The following MRPL42 variants were observed in gnomAD, a reference collection of about 807,000 sequenced individuals.
MRPL42 encodes large ribosomal subunit protein mL42.
A neutral mutation model predicts 17.9 loss-of-function variants in MRPL42; 17 were observed. The ratio of observed to expected loss-of-function variants is 0.95; its 90% CI spans 0.65 to 1.42. MRPL42 has a LOEUF of 1.42. Among genes scored for constraint, MRPL42 ranks in the 40% most tolerant of loss-of-function variants. The pLI, the probability that MRPL42 is intolerant of heterozygous loss-of-function variation, is 0.00. For missense variants in MRPL42, 177 were observed against 175.2 expected, an observed-to-expected ratio of 1.01 and a Z score of -0.06; for synonymous variants, 59 against 54.4, an observed-to-expected ratio of 1.08 and a Z score of -0.37.
chr12:93,490,475 C>G (rs1953390689), intron 5 of MRPL42, among the ~76,000 whole-genome samples: 1 of 152,124 alleles, frequency 6.6e-6, no homozygotes, highest in Non-Finnish European at 1.5e-5. Context: ...ATCTGTAGGC[C>G]TTGTCCTTGT....
intron 5 of MRPL42, among the ~76,000 whole-genome samples, chr12:93,488,751 T>G (rs987607595): frequency 2.0e-5 from 3 of 152,238 alleles, no homozygotes; most frequent in African/African-American, 7.2e-5. Context: ...CATTTGACTC[T>G]GGCATTAATT....
At chr12:93,488,438 CT>C (rs1953350905) in intron 5 of MRPL42, 1 of 394,014 alleles carries the variant, frequency 2.5e-6, no homozygotes, top group Non-Finnish European at 4.5e-6. Context: ...AATAGTACTT[CT>C]TTTTTTCTTT....
chr12:93,478,826 T>G (rs1284672323), intron 3 of MRPL42, among the ~76,000 whole-genome samples: 1 of 152,200 alleles, frequency 6.6e-6, no homozygotes, highest in Non-Finnish European at 1.5e-5. Context: ...TGTGGGATGG[T>G]CTTCATTTGT....
At chr12:93,500,021 T>A (rs1953561268) in intron 5 of MRPL42, among the ~76,000 whole-genome samples, 1 of 152,174 alleles carries the variant, frequency 6.6e-6, no homozygotes, top group Non-Finnish European at 1.5e-5. Flanking sequence ...TGTGCAGAAA[T>A]GTTTCTTAAA....
intron 2 of MRPL42, among the ~76,000 whole-genome samples, chr12:93,476,570 A>G (rs1022966918): frequency 3.9e-5 from 6 of 152,112 alleles, no homozygotes; most frequent in Non-Finnish European, 8.8e-5. Flanking sequence ...TCTGCTAGAA[A>G]CATTGTTTTC....
In MRPL42 at chr12:93,505,582, A is replaced by G. The variant is rs1266241642; in HGVS notation, c.*4361A>G. On this transcript the variant is annotated 3_prime_UTR_variant, in exon 6 of 6. Coordinates refer to ENST00000549982, the MANE Select transcript of MRPL42 (RefSeq NM_014050.4). Reference sequence around the variant, plus strand: ...TCTAACACCAAAGAAAGATACTCCCAATTGAGCTCAGCCATCAGCCTCCTA... The same window carrying G: ...TCTAACACCAAAGAAAGATACTCCCGATTGAGCTCAGCCATCAGCCTCCTA... The G allele has an allele frequency of 3.9e-5, 6 of 152,190 alleles. No homozygotes were observed. The highest frequency in any genetic ancestry group is 8.8e-5 in the Non-Finnish European group (6 of 68,028). The allele number at this position is 152,190 out of a possible 1,614,324, so 9.4% of individuals were successfully genotyped here.
In MRPL42 at chr12:93,483,380, C is replaced by G. The variant is rs903606648; in HGVS notation, c.219+3908C>G. Among the ~76,000 whole-genome samples, 22 of 152,254 alleles carry G rather than the reference C, an allele frequency of 1.4e-4. No individual in the cohort carries two copies. In the East Asian group the frequency reaches 3.7e-3, roughly 25 times the overall value. ...ATCATAGAGTGTCACTTACGCAAAC[C>G]TAGATGGTGTAGCCTACTACACACC... On this transcript the variant is annotated intron_variant, in intron 4 of 5. Coordinates refer to ENST00000549982, the MANE Select transcript of MRPL42 (RefSeq NM_014050.4).
In MRPL42 at chr12:93,508,354, C is replaced by G. The variant is rs1480682460; in HGVS notation, c.*7133C>G. ...GCTGAGATGGGAGGATTGCTTGAGC[C>G]CATGAGATTGAGGCTGTAGTGAGCC... On this transcript the variant is annotated 3_prime_UTR_variant, in exon 6 of 6. Transcript: ENST00000549982. The G allele has an allele frequency of 6.6e-6, 1 of 152,462 alleles. No individual in the cohort carries two copies. 9.4% of individuals were successfully genotyped at this position (152,462 alleles called of 1,614,324 possible). A position where few individuals can be genotyped will look rare whatever the true frequency, so the allele number is the denominator to read the frequency against.
chr12:93,489,323 C>T (rs1390857435), intron 5 of MRPL42, among the ~76,000 whole-genome samples: 10 of 152,036 alleles, frequency 6.6e-5, no homozygotes, highest in Non-Finnish European at 1.5e-5. Context: ...TGGGTTATGG[C>T]ACCCAGAATA....
intron 5 of MRPL42, among the ~76,000 whole-genome samples, chr12:93,488,687 T>G (rs1392713961): frequency 2.6e-5 from 4 of 152,222 alleles, no homozygotes; most frequent in African/African-American, 9.6e-5. Flanking sequence ...CCTTGGAAAC[T>G]GTAATTGCCC....
Position 93,509,360 on chromosome 12 carries a change from C to T in MRPL42, c.*8139C>T, listed in dbSNP as rs1223185939. On this transcript the variant is annotated 3_prime_UTR_variant, in exon 6 of 6. Coordinates refer to ENST00000549982, the MANE Select transcript of MRPL42 (RefSeq NM_014050.4). The stretch of plus-strand genomic sequence containing the variant: ...GTAATAATTTGATGGTTTTAATTTG[C>T]ATTTCTCTGATGATCAATAACATTA... The T allele has an allele frequency of 1.3e-5, 2 of 151,990 alleles. No homozygotes were observed. The highest frequency in any genetic ancestry group is 4.8e-5 in the African/African-American group (2 of 41,378). 9.4% of individuals were successfully genotyped at this position (151,990 alleles called of 1,614,324 possible). A position where few individuals can be genotyped will look rare whatever the true frequency, so the allele number is the denominator to read the frequency against.
rs1953605995 is a variant in MRPL42 at position 93,502,135 on chromosome 12, A to G, written c.*914A>G. On this transcript the variant is annotated 3_prime_UTR_variant, in exon 6 of 6. Coordinates refer to ENST00000549982, the MANE Select transcript of MRPL42 (RefSeq NM_014050.4). ...CTTTCCTGGAAATTTTTCTAGATAG[A>G]ATATTATGTAATTTGTTTTGAAGGT... 1 of 152,142 alleles carries G rather than the reference A, an allele frequency of 6.6e-6. No individual in the cohort carries two copies. The highest frequency in any genetic ancestry group is 2.1e-4 in the South Asian group (1 of 4,834). 9.4% of individuals were successfully genotyped at this position (152,142 alleles called of 1,614,324 possible).
chr12:93,497,679 T>A (rs1953529527), intron 5 of MRPL42, among the ~76,000 whole-genome samples: 1 of 151,346 alleles, frequency 6.6e-6, no homozygotes, highest in Non-Finnish European at 1.5e-5. Context: ...AAGACAAGGA[T>A]GCCCACTCAC....
At position 93,502,338 on chromosome 12, in the gene MRPL42, C is replaced by T. The variant is rs1379265888; in HGVS notation, c.*1117C>T. ...AATAGCATTGCTTCCCCTTCAGTTTCTATTTAGGAGGTGAAGAATCTTTTA... is the reference window on the plus strand; with the variant it reads ...AATAGCATTGCTTCCCCTTCAGTTTTTATTTAGGAGGTGAAGAATCTTTTA... On this transcript the variant is annotated 3_prime_UTR_variant, in exon 6 of 6. Transcript: ENST00000549982. 6.6e-6 allele frequency: 1 copy of T among 152,064 alleles called. No individual in the cohort carries two copies. Among genetic ancestry groups the T allele is most frequent in the East Asian group, 1.9e-4 (1 of 5,194 alleles). The allele number at this position is 152,064 out of a possible 1,614,324, so 9.4% of individuals were successfully genotyped here. A position where few individuals can be genotyped will look rare whatever the true frequency, so the allele number is the denominator to read the frequency against.
At chr12:93,490,351 T>G (rs892878376) in intron 5 of MRPL42, among the ~76,000 whole-genome samples, 18 of 152,224 alleles carry the variant, frequency 1.2e-4, no homozygotes, top group African/African-American at 4.3e-4. Context: ...TCAAAATTAC[T>G]AGGCGTTTTT....
Position 93,508,100 on chromosome 12 carries a change from C to T in MRPL42, c.*6879C>T, listed in dbSNP as rs1454324843. The T allele has an allele frequency of 1.3e-5, 2 of 152,410 alleles. No individual in the cohort carries two copies. Among genetic ancestry groups the T allele is most frequent in the African/African-American group, 4.8e-5 (2 of 41,466 alleles). The allele number at this position is 152,410 out of a possible 1,614,324, so 9.4% of individuals were successfully genotyped here. On this transcript the variant is annotated 3_prime_UTR_variant, in exon 6 of 6. Transcript: ENST00000549982. The stretch of plus-strand genomic sequence containing the variant: ...TAGCTGAGATTACAGGCATGAGCCA[C>T]CACGCCCAGCTAATTTTGTATTTTT...
chr12:93,474,760 A>G (rs1366885067), intron 2 of MRPL42, among the ~76,000 whole-genome samples: 3 of 152,142 alleles, frequency 2.0e-5, no homozygotes, highest in African/African-American at 7.2e-5. Context: ...AACCCAATCC[A>G]TGCATAATTA....
At position 93,512,955 on chromosome 12, in the gene MRPL42, A is replaced by T. The variant is rs958527159; in HGVS notation, c.*11734A>T. ...ACACCACTTGCTTCATTTTGGATAA[A>T]AGTTAAAAGTGAATATTCTGAGTAT... On this transcript the variant is annotated 3_prime_UTR_variant, in exon 6 of 6. Transcript: ENST00000549982. 5 of 152,206 alleles carry T rather than the reference A, an allele frequency of 3.3e-5. No individual in the cohort carries two copies. Among genetic ancestry groups the T allele is most frequent in the Non-Finnish European group, 2.9e-5 (2 of 68,036 alleles). 9.4% of individuals were successfully genotyped at this position (152,206 alleles called of 1,614,324 possible). A position where few individuals can be genotyped will look rare whatever the true frequency, so the allele number is the denominator to read the frequency against.
intron 4 of MRPL42, among the ~76,000 whole-genome samples, chr12:93,482,167 G>T (rs904495361): frequency 6.6e-6 from 1 of 152,154 alleles, no homozygotes; most frequent in Non-Finnish European, 1.5e-5. Flanking sequence ...CAGAGCTTTT[G>T]TATTTCCTGC....
Sources: gnomAD v4.1 joint callset for allele counts (sites outside exome capture counted in the v4.1 genomes callset) on GRCh38, gnomAD v4.1.1 for gene constraint, MANE v1.5 for transcripts, NCBI Gene and HGNC (gene_info 2026-07-23, HGNC 2026-07-21) for gene names.